The following RAB11A variants were observed in gnomAD, a reference collection of about 807,000 sequenced individuals.
RAB11A encodes ras-related protein Rab-11A.
In RAB11A, 9 loss-of-function variants were observed where a neutral mutation model predicts 28.0. The observed-to-expected ratio is 0.32, with a 90% CI of 0.19 to 0.56. The LOEUF (loss-of-function observed/expected upper bound fraction) is 0.56. Among genes scored for constraint, RAB11A ranks in the 20% least tolerant of loss-of-function variants. RAB11A has a pLI of 0.91. For missense variants in RAB11A, 108 were observed against 269.6 expected (o/e 0.40, Z 4.20); for synonymous variants, 85 against 88.2 (o/e 0.96, Z 0.20).
chr15:65,885,497 T>A (rs945441728), intron 4 of RAB11A, among the ~76,000 whole-genome samples: 1 of 152,192 alleles, frequency 6.6e-6, no homozygotes, highest in Non-Finnish European at 1.5e-5. Flanking sequence ...CTTTGTAGAT[T>A]TGTTTTTTAA....
At position 65,887,927 on chromosome 15, in the gene RAB11A, T is replaced by A; in HGVS notation, c.*87T>A. On this transcript the variant is annotated 3_prime_UTR_variant, in exon 5 of 5. Transcript: ENST00000261890. ...TATATTTGTAATTCTTGTGTCACTTTTGTGTTTTATTACTTCATACTTATG... is the reference window on the plus strand; with the variant it reads ...TATATTTGTAATTCTTGTGTCACTTATGTGTTTTATTACTTCATACTTATG... 7.6e-7 allele frequency: 1 copy of A among 1,322,254 alleles called. No individual in the cohort carries two copies. The highest frequency in any genetic ancestry group is 1.0e-6 in the Non-Finnish European group (1 of 1,004,452). 81.9% of individuals were successfully genotyped at this position (1,322,254 alleles called of 1,614,324 possible).
rs766451400 is a variant in RAB11A at position 65,879,723 on chromosome 15, A to G, written c.483A>G (p.Val161=). 5 of 1,594,840 alleles carry G rather than the reference A, an allele frequency of 3.1e-6. No homozygotes were observed. Among genetic ancestry groups the G allele is most frequent in the South Asian group, 1.1e-5 (1 of 90,396 alleles). ...IETSALDSTN[V]EAAFQTILTE... is the part of the protein sequence containing the mutation. Reference sequence around the variant, plus strand: ...CTTCGGCCCTAGACTCTACAAATGTAGAAGCTGCTTTTCAGACAATTTTAA... The same window carrying G: ...CTTCGGCCCTAGACTCTACAAATGTGGAAGCTGCTTTTCAGACAATTTTAA... Residue 161 remains valine (V), a synonymous_variant, in exon 4 of 5, where the codon GTA becomes GTG. Transcript: ENST00000261890.
chr15:65,886,153 T>G (rs1014975429), intron 4 of RAB11A, among the ~76,000 whole-genome samples: 1 of 152,166 alleles, frequency 6.6e-6, no homozygotes, highest in Non-Finnish European at 1.5e-5. Flanking sequence ...TGAGGCTTCT[T>G]TAGTTCAGCA....
intron 4 of RAB11A, among the ~76,000 whole-genome samples, chr15:65,885,098 C>T (rs1409351420): frequency 3.3e-5 from 5 of 150,064 alleles, no homozygotes; most frequent in Non-Finnish European, 7.4e-5. Flanking sequence ...ATCACAATAC[C>T]ATATGTCGTA....
chr15:65,879,648 T>G, intron 3 of RAB11A, 23 bp from the exon 4 acceptor site: 1 of 1,537,574 alleles, frequency 6.5e-7, no homozygotes, highest in East Asian at 2.3e-5. Flanking sequence ...TTAACAAGAC[T>G]GAACTTTTGT....
intron 1 of RAB11A, among the ~76,000 whole-genome samples, chr15:65,874,816 C>T (rs967477296): frequency 6.6e-6 from 1 of 151,908 alleles, no homozygotes; most frequent in Non-Finnish European, 1.5e-5. Context: ...GAGGCCAAAG[C>T]GAGTGGATCT....
At chr15:65,881,437 TA>T (rs1406836935) in intron 4 of RAB11A, among the ~76,000 whole-genome samples, 5 of 152,212 alleles carry the variant, frequency 3.3e-5, no homozygotes, top group Non-Finnish European at 2.9e-5. Context: ...ACATGTGAAT[TA>T]AATTACCTTA....
rs79217448 is a variant in RAB11A at position 65,875,344 on chromosome 15, G to C, written c.41-1988G>C. Among the ~76,000 whole-genome samples, 6 of 151,832 alleles carry C rather than the reference G, an allele frequency of 4.0e-5. No homozygotes were observed. The East Asian group carries it at 1.2e-3, about 29-fold the overall frequency. ...AGGCCATTTCCTTAGCAAACATCCA[G>C]CCTTTTGTACTAAGAGGCAACAGTG... On this transcript the variant is annotated intron_variant, in intron 1 of 4. Transcript: ENST00000261890.
chr15:65,869,727 C>T, intron 1 of RAB11A, 102 bp downstream of exon 1: 4 of 1,215,886 alleles, frequency 3.3e-6, no homozygotes, highest in Non-Finnish European at 4.6e-6. Context: ...ATATAGGCCT[C>T]CCTCAGCCCT....
chr15:65,882,446 G>GA (rs1352655031), intron 4 of RAB11A, among the ~76,000 whole-genome samples: 3 of 152,162 alleles, frequency 2.0e-5, no homozygotes, highest in African/African-American at 4.8e-5. Context: ...ATTGCTGAAA[G>GA]AAAAAATAGC....
chr15:65,887,497 T>G (rs2078262642), intron 4 of RAB11A, among the ~76,000 whole-genome samples: 1 of 152,212 alleles, frequency 6.6e-6, no homozygotes, highest in South Asian at 2.1e-4. Flanking sequence ...CCTTTGTTTC[T>G]TTTCTTACCC....
rs1471748901 is a variant in RAB11A, at chr15:65,869,517, C to T, written c.-69C>T. 3.8e-6 allele frequency: 6 copies of T among 1,580,914 alleles called. No individual in the cohort carries two copies. The African/African-American group carries it at 4.0e-5, about 11-fold the overall frequency. ...GTTGAAGCTCGGCGCTCGGGTTACC[C>T]CTGCAGCGACGCCCCCTGGTCCCAC... On this transcript the variant is annotated 5_prime_UTR_variant, in exon 1 of 5. Coordinates refer to ENST00000261890, the MANE Select transcript of RAB11A (RefSeq NM_004663.5).
chr15:65,872,505 G>C (rs1262725892), intron 1 of RAB11A, among the ~76,000 whole-genome samples: 4 of 151,104 alleles, frequency 2.6e-5, no homozygotes, highest in Non-Finnish European at 4.4e-5. Flanking sequence ...CGCGATCTCG[G>C]CTCATTGCAA....
chr15:65,879,845 C>T (rs116691633), intron 4 of RAB11A, 94 bp downstream of exon 4: 131 of 926,002 alleles, frequency 1.4e-4, no homozygotes, highest in African/African-American at 1.3e-3. Flanking sequence ...ATATATCAGC[C>T]GAGAGTGACT....
chr15:65,872,035 T>G (rs555868616), intron 1 of RAB11A, among the ~76,000 whole-genome samples: 2 of 145,768 alleles, frequency 1.4e-5, no homozygotes, highest in South Asian at 4.4e-4. Context: ...CAGGCTCAGG[T>G]GACCCCCCGA....
In RAB11A at chr15:65,887,834, C is replaced by T; in HGVS notation, c.645C>T (p.Asn215=). ...ENKPKVQCCQ[N]I ...AGCCAAAGGTGCAGTGCTGTCAGAA[C>T]ATCTAAGGCATTTCTCTTCTCCCCT... is the stretch of plus-strand genomic sequence containing the variant. Residue 215 remains asparagine (N), a synonymous_variant, in exon 5 of 5, where the codon AAC becomes AAT. Coordinates refer to ENST00000261890, the MANE Select transcript of RAB11A (RefSeq NM_004663.5). 3 of 1,605,958 alleles carry T rather than the reference C, an allele frequency of 1.9e-6. No individual in the cohort carries two copies. The highest frequency in any genetic ancestry group is 2.5e-6 in the Non-Finnish European group (3 of 1,177,206).
At chr15:65,884,002 A>G (rs2078238048) in intron 4 of RAB11A, among the ~76,000 whole-genome samples, 1 of 152,246 alleles carries the variant, frequency 6.6e-6, no homozygotes, top group African/African-American at 2.4e-5. Flanking sequence ...ACAAAAACAG[A>G]CAGCAAGTGT....
At chr15:65,878,426 G>A (rs1313753927) in intron 3 of RAB11A, among the ~76,000 whole-genome samples, 2 of 152,218 alleles carry the variant, frequency 1.3e-5, no homozygotes, top group Non-Finnish European at 2.9e-5. Context: ...GCTCATGCCT[G>A]TAATCCCAGC....
rs939362672 is a variant in RAB11A at position 65,889,492 on chromosome 15, C to T, written c.*1652C>T. On this transcript the variant is annotated 3_prime_UTR_variant, in exon 5 of 5. Transcript: ENST00000261890. Reference sequence around the variant, plus strand: ...TCAGATTACATTTTTCCTTTGAGTGCTTTGGGTGCAGCCGTGGAATCCTGA... The same window carrying T: ...TCAGATTACATTTTTCCTTTGAGTGTTTTGGGTGCAGCCGTGGAATCCTGA... 1 of 152,014 alleles carries T rather than the reference C, an allele frequency of 6.6e-6. No homozygotes were observed. The highest frequency in any genetic ancestry group is 2.4e-5 in the African/African-American group (1 of 41,368). The allele number at this position is 152,014 out of a possible 1,614,324, so 9.4% of individuals were successfully genotyped here.
Sources: allele counts gnomAD v4.1 joint callset (sites outside exome capture counted in the v4.1 genomes callset), GRCh38; gene constraint gnomAD v4.1.1; transcripts MANE v1.5; gene names NCBI Gene and HGNC (gene_info 2026-07-23, HGNC 2026-07-21).